Variants in LY9 observed in about 807,000 individuals in gnomAD.
LY9 encodes the protein lymphocyte antigen 9.
A neutral mutation model predicts 64.6 loss-of-function variants in LY9; 59 were observed. The ratio of observed to expected loss-of-function variants is 0.91; its 90% CI spans 0.74 to 1.13. LY9 has a LOEUF of 1.13. Among genes scored for constraint, LY9 ranks in the 50% most tolerant of loss-of-function variants. The probability of loss-of-function intolerance (pLI) is 0.00; values close to 1 mark genes in which losing one functional copy is unlikely to be tolerated. For synonymous variants in LY9, 281 were observed against 308.5 expected, an observed-to-expected ratio of 0.91 and a Z score of 0.93; for missense variants, 789 against 797.2, an observed-to-expected ratio of 0.99 and a Z score of 0.12.
intron 1 of LY9, chr1:160,799,417 A>C (rs978103174): frequency 9.9e-6 from 2 of 202,824 alleles, no homozygotes; most frequent in Non-Finnish European, 2.0e-5. Context: ...CCCTTGAAGA[A>C]AATGGTGCAG....
At chr1:160,802,246 C>A (rs1469983328) in intron 2 of LY9, 5 of 1,048,420 alleles carry the variant, frequency 4.8e-6, no homozygotes, top group Non-Finnish European at 5.7e-6. Context: ...CTGGTAGAGA[C>A]TCCCAAGCCT....
Position 160,799,783 on chromosome 1 carries a change from C to T in LY9, c.155C>T (p.Pro52Leu). The T allele has an allele frequency of 6.2e-7, 1 of 1,613,658 alleles. No individual in the cohort carries two copies. Among genetic ancestry groups the T allele is most frequent in the Admixed American group, 1.7e-5 (1 of 60,016 alleles). The change falls in exon 2 of 10, where the codon CCA becomes CTA. Residue 52 changes from proline to leucine, a missense_variant. Coordinates refer to ENST00000263285, the MANE Select transcript of LY9 (RefSeq NM_002348.4). ...AGAGCCTCTGGAAAGGACTCAGCCC[C>T]AACAGTGGTGTCAGGGATCCTAGGG... ...GLRASGKDSA[P>L]TVVSGILGGS...
intron 2 of LY9, chr1:160,813,175 G>A (rs1171160217): frequency 1.1e-5 from 2 of 178,828 alleles, no homozygotes; most frequent in South Asian, 1.2e-4. Context: ...AGAAGACAAG[G>A]AAGAAGATCT....
rs979131035 is a variant in LY9, at chr1:160,799,977, T to C, written c.349T>C (p.Cys117Arg). 2.5e-6 allele frequency: 4 copies of C among 1,614,190 alleles called. No homozygotes were observed. The highest frequency in any genetic ancestry group is 3.3e-5 in the Admixed American group (2 of 60,018). ...CATCACCAAGTGGAGTTACTCCCTG[T>C]GCATCAGCAATCTGACTCTGAATGA... ...LDITKWSYSL[C>R]ISNLTLNDAG... Residue 117 changes from cysteine (C) to arginine (R), a missense_variant, in exon 2 of 10, where the codon TGC becomes CGC. Coordinates refer to ENST00000263285, the MANE Select transcript of LY9 (RefSeq NM_002348.4).
chr1:160,807,246 T>G (rs1453090710), intron 2 of LY9, among the ~76,000 whole-genome samples: 4 of 152,220 alleles, frequency 2.6e-5, no homozygotes, highest in Admixed American at 1.3e-4. Context: ...AATATGTGTC[T>G]ATTGTGTTGT....
intron 4 of LY9, among the ~76,000 whole-genome samples, chr1:160,816,281 C>T (rs533120801): frequency 6.6e-6 from 1 of 152,320 alleles, no homozygotes; most frequent in East Asian, 1.9e-4. Context: ...GTGTTGCGCT[C>T]ATCTGTGTTG....
intron 2 of LY9, chr1:160,802,105 G>T (rs999708753): frequency 1.7e-5 from 24 of 1,376,858 alleles, no homozygotes; most frequent in Non-Finnish European, 2.2e-5. Flanking sequence ...CGGGAACACC[G>T]GAGCCGCCAA....
chr1:160,816,863 G>T lies in LY9; in HGVS notation c.1342G>T (p.Gly448Ter), dbSNP rs1174952339. 6.2e-7 allele frequency: 1 copy of T among 1,614,172 alleles called. No homozygotes were observed. Among genetic ancestry groups the T allele is most frequent in the Non-Finnish European group, 8.5e-7 (1 of 1,180,000 alleles). ...GTTTCTTTCTGAGAACATCTGTTCA[G>T]GTTTCTCTCCATCTCTATTTACTCA... ...HQFLSENICS[G>*]PERNTKLWIG... is the part of the protein sequence containing the mutation. The change falls in exon 5 of 10, where the codon GGA becomes TGA. Residue 448 changes from glycine to a stop codon, truncating the protein, a stop_gained and splice_region_variant. Transcript: ENST00000263285. LOFTEE classifies it high-confidence loss of function.
intron 5 of LY9, among the ~76,000 whole-genome samples, chr1:160,817,377 TAAATA>T (rs1303438077): frequency 6.6e-6 from 1 of 152,210 alleles, no homozygotes; most frequent in Non-Finnish European, 1.5e-5. Flanking sequence ...AAACTAAAAC[TAAATA>T]AAAGAAGCAA....
Position 160,827,273 on chromosome 1 carries a change from A to G in LY9, c.1900-475A>G, listed in dbSNP as rs547795860. Among the ~76,000 whole-genome samples, 4 of 152,300 alleles carry G rather than the reference A, an allele frequency of 2.6e-5. No homozygotes were observed. In the East Asian group the frequency reaches 5.8e-4, roughly 22 times the overall value. On this transcript the variant is annotated intron_variant, in intron 9 of 9. Coordinates refer to ENST00000263285, the MANE Select transcript of LY9 (RefSeq NM_002348.4). ...GCTCCTCTGGGTCAGCACAGAGCTT[A>G]TCTGCTCTTTAGAGCCTTCCCTGAA...
intron 2 of LY9, among the ~76,000 whole-genome samples, chr1:160,808,279 C>T (rs1330723368): frequency 1.3e-5 from 2 of 152,202 alleles, no homozygotes; most frequent in African/African-American, 4.8e-5. Flanking sequence ...GCAGAGTGCT[C>T]CCAATCCATA....
chr1:160,798,500 C>T (rs559511487), intron 1 of LY9, among the ~76,000 whole-genome samples: 1 of 152,266 alleles, frequency 6.6e-6, no homozygotes, highest in South Asian at 2.1e-4. Context: ...ATGGGAAGAG[C>T]TCTCTTTTAG....
intron 2 of LY9, chr1:160,812,598 TA>T (rs1409325733): frequency 6.6e-6 from 1 of 152,204 alleles, no homozygotes; most frequent in African/African-American, 2.4e-5. Flanking sequence ...AAACAGTGTG[TA>T]AAGTATGCAT....
At chr1:160,807,521 C>T (rs763603401) in intron 2 of LY9, among the ~76,000 whole-genome samples, 1 of 152,050 alleles carries the variant, frequency 6.6e-6, no homozygotes, top group Admixed American at 6.6e-5. Context: ...ATCAGCAGGT[C>T]GATTTTTAGG....
chr1:160,814,688 C>G lies in LY9; in HGVS notation c.999C>G (p.Gly333=). The change falls in exon 4 of 10, where the codon GGC becomes GGG. Residue 333 remains glycine (G), a synonymous_variant. Coordinates refer to ENST00000263285, the MANE Select transcript of LY9 (RefSeq NM_002348.4). The part of the protein sequence containing the change: ...KISQLKIEDA[G]PYHAYVCSEA... ...GCCAGCTGAAGATAGAGGACGCCGG[C>G]CCCTACCATGCCTACGTGTGCTCAG... 1 of 1,614,218 alleles carries G rather than the reference C, an allele frequency of 6.2e-7. No individual in the cohort carries two copies. Among genetic ancestry groups the G allele is most frequent in the Non-Finnish European group, 8.5e-7 (1 of 1,180,036 alleles).
intron 2 of LY9, chr1:160,811,370 C>A (rs1457175818): frequency 6.6e-6 from 1 of 152,208 alleles, no homozygotes; most frequent in Non-Finnish European, 1.5e-5. Context: ...CTTTAGCAAA[C>A]ATTGCCAAGC....
chr1:160,825,874 C>G (rs944155830), intron 9 of LY9, among the ~76,000 whole-genome samples: 1 of 151,886 alleles, frequency 6.6e-6, no homozygotes, highest in South Asian at 2.1e-4. Context: ...CACACCATTG[C>G]ACTCCAGCCT....
In LY9 at chr1:160,813,555, C is replaced by T. The variant is rs116284611; in HGVS notation, c.455-81C>T. 3,268 of 1,435,586 alleles carry T rather than the reference C, an allele frequency of 2.3e-3. 66 individuals are homozygous for T. The African/African-American group carries it at 0.04, about 18-fold the overall frequency. 88.9% of individuals were successfully genotyped at this position (1,435,586 alleles called of 1,614,324 possible). A position where few individuals can be genotyped will look rare whatever the true frequency, so the allele number is the denominator to read the frequency against. On this transcript the variant is annotated intron_variant, in intron 2 of 9. Coordinates refer to ENST00000263285, the MANE Select transcript of LY9 (RefSeq NM_002348.4). ...CCTCTCTCTGCTGCCCCCAACTCCCCTATTGTCACTCCCTTCTTCTCTCAG... is the reference window on the plus strand; with the variant it reads ...CCTCTCTCTGCTGCCCCCAACTCCCTTATTGTCACTCCCTTCTTCTCTCAG...
chr1:160,798,639 G>A lies in LY9; in HGVS notation c.125-1114G>A, dbSNP rs573000614. Among the ~76,000 whole-genome samples the A allele has an allele frequency of 5.9e-5, 9 of 152,250 alleles. 1 individual carries two copies. The South Asian group carries it at 1.7e-3, about 28-fold the overall frequency. On this transcript the variant is annotated intron_variant, in intron 1 of 9. Coordinates refer to ENST00000263285, the MANE Select transcript of LY9 (RefSeq NM_002348.4). Reference sequence around the variant, plus strand: ...AGCTGCCTCTCCACAAGGTGCAAGTGCTTGGCTGATGGAGGTCTAAGCAGA... The same window carrying A: ...AGCTGCCTCTCCACAAGGTGCAAGTACTTGGCTGATGGAGGTCTAAGCAGA...
Sources: allele counts gnomAD v4.1 joint callset (sites outside exome capture counted in the v4.1 genomes callset), GRCh38; gene constraint gnomAD v4.1.1; transcripts MANE v1.5; gene names NCBI Gene and HGNC (gene_info 2026-07-23, HGNC 2026-07-21).